Variants in SEMA5A observed in about 807,000 individuals in gnomAD.
The protein encoded by SEMA5A is semaphorin-5A.
Under a neutral mutation model 135.5 loss-of-function variants are expected in SEMA5A, and 55 were observed. That is an observed-to-expected ratio of 0.41 (90% CI 0.33 to 0.51). SEMA5A has a LOEUF of 0.51. SEMA5A is among the 20% of genes least tolerant of loss of function. The pLI, the probability that SEMA5A is intolerant of heterozygous loss-of-function variation, is 0.37. For missense variants in SEMA5A, 1,290 were observed against 1,419.9 expected (o/e 0.91, Z 1.47); for synonymous variants, 580 against 546.5 (o/e 1.06, Z -0.85).
intron 6 of SEMA5A, among the ~76,000 whole-genome samples, chr5:9,232,971 T>C (rs1243943795): frequency 6.6e-6 from 1 of 152,186 alleles, no homozygotes; most frequent in Admixed American, 6.5e-5. Flanking sequence ...TCTTCTCCTG[T>C]TCACTAGGAG....
At chr5:9,179,371 C>T (rs976374762) in intron 11 of SEMA5A, among the ~76,000 whole-genome samples, 7 of 152,178 alleles carry the variant, frequency 4.6e-5, no homozygotes, top group Non-Finnish European at 8.8e-5. Flanking sequence ...GGAAAGTCAC[C>T]TGTCTCAGGT....
At chr5:9,147,509 A>G (rs1003747951) in intron 12 of SEMA5A, among the ~76,000 whole-genome samples, 4 of 151,978 alleles carry the variant, frequency 2.6e-5, no homozygotes, top group African/African-American at 9.7e-5. Context: ...TGACCTCTTG[A>G]TCCACCCGGG....
intron 8 of SEMA5A, among the ~76,000 whole-genome samples, chr5:9,224,077 G>A (rs768557410): frequency 2.0e-5 from 3 of 152,170 alleles, no homozygotes; most frequent in Non-Finnish European, 2.9e-5. Context: ...ACAAGCAGAG[G>A]TGGCCTGAGG....
intron 2 of SEMA5A, among the ~76,000 whole-genome samples, chr5:9,385,420 G>A (rs894165239): frequency 2.0e-5 from 3 of 152,178 alleles, no homozygotes; most frequent in Non-Finnish European, 4.4e-5. Context: ...TCCAACATAA[G>A]CTTAATGTAC....
Position 9,164,852 on chromosome 5 carries a change from C to T in SEMA5A, c.1274-10157G>A, listed in dbSNP as rs572419237. Among the ~76,000 whole-genome samples, 9 of 151,872 alleles carry T rather than the reference C, an allele frequency of 5.9e-5. No individual in the cohort carries two copies. The South Asian group carries it at 6.3e-4, about 11-fold the overall frequency. ...GCTCCATCAACATTTGAAAATTTTA[C>T]GGAAATAAATCTTTAGAAGGAAGAA... On this transcript the variant is annotated intron_variant, in intron 11 of 22. Transcript: ENST00000382496.
At chr5:9,072,619 T>C (rs1325418383) in intron 16 of SEMA5A, among the ~76,000 whole-genome samples, 1 of 152,144 alleles carries the variant, frequency 6.6e-6, no homozygotes, top group African/African-American at 2.4e-5. Context: ...GGGTCATTGG[T>C]TGGATACCAA....
rs988230627 is a variant in SEMA5A, at chr5:9,489,481, C to T, written c.-174-51629G>A. Among the ~76,000 whole-genome samples, 8 of 152,152 alleles carry T rather than the reference C, an allele frequency of 5.3e-5. No individual in the cohort carries two copies. The East Asian group carries it at 7.7e-4, about 15-fold the overall frequency. Reference sequence around the variant, plus strand: ...AGGGCCAGGGCACCCACAGGGATGGCGGTAAATGTATTTTGCCACAAGTAA... The same window carrying T: ...AGGGCCAGGGCACCCACAGGGATGGTGGTAAATGTATTTTGCCACAAGTAA... On this transcript the variant is annotated intron_variant, in intron 1 of 22. Transcript: ENST00000382496.
At chr5:9,541,447 G>A (rs978839485) in intron 1 of SEMA5A, among the ~76,000 whole-genome samples, 5 of 152,090 alleles carry the variant, frequency 3.3e-5, no homozygotes, top group African/African-American at 1.2e-4. Context: ...GTGGGCTCAT[G>A]ACCTTTCAAT....
At chr5:9,213,370 G>A (rs143029927) in intron 8 of SEMA5A, among the ~76,000 whole-genome samples, 2 of 152,332 alleles carry the variant, frequency 1.3e-5, no homozygotes, top group East Asian at 1.9e-4. Context: ...AACTTTCATT[G>A]TAGTGGTGGG....
At chr5:9,259,106 G>C (rs1749258228) in intron 5 of SEMA5A, among the ~76,000 whole-genome samples, 1 of 152,226 alleles carries the variant, frequency 6.6e-6, no homozygotes, top group East Asian at 1.9e-4. Flanking sequence ...ACAGGCATGA[G>C]CCACCAGGCC....
intron 16 of SEMA5A, among the ~76,000 whole-genome samples, chr5:9,096,093 T>A (rs1739296441): frequency 6.6e-6 from 1 of 152,170 alleles, no homozygotes; most frequent in African/African-American, 2.4e-5. Flanking sequence ...TCCACACTGT[T>A]TTCCATACTG....
At chr5:9,149,150 T>C (rs1742496151) in intron 12 of SEMA5A, among the ~76,000 whole-genome samples, 1 of 152,206 alleles carries the variant, frequency 6.6e-6, no homozygotes, top group South Asian at 2.1e-4. Flanking sequence ...AACAGACAAA[T>C]CCATCAGCCT....
intron 1 of SEMA5A, among the ~76,000 whole-genome samples, chr5:9,489,366 A>G (rs74954845): frequency 0.011 from 1,661 of 152,294 alleles, 28 homozygotes; most frequent in African/African-American, 0.037. Flanking sequence ...AAAAGGGAAC[A>G]AAATGTCAGC....
chr5:9,268,302 A>G (rs1749786274), intron 5 of SEMA5A, among the ~76,000 whole-genome samples: 1 of 152,168 alleles, frequency 6.6e-6, no homozygotes, highest in African/African-American at 2.4e-5. Context: ...GGCTGAGTTT[A>G]GAAACCTAGA....
At chr5:9,081,477 C>T (rs1579356892) in intron 16 of SEMA5A, among the ~76,000 whole-genome samples, 2 of 152,062 alleles carry the variant, frequency 1.3e-5, no homozygotes, top group East Asian at 1.9e-4. Context: ...GAGATATATA[C>T]ATCCAGTTTC....
chr5:9,293,555 TA>T (rs956753255), intron 5 of SEMA5A, among the ~76,000 whole-genome samples: 2 of 152,250 alleles, frequency 1.3e-5, no homozygotes, highest in African/African-American at 4.8e-5. Context: ...ACAGTAGGAA[TA>T]AATCTAATAC....
At chr5:9,377,877 G>A (rs985629316) in intron 3 of SEMA5A, among the ~76,000 whole-genome samples, 1 of 152,088 alleles carries the variant, frequency 6.6e-6, no homozygotes, top group African/African-American at 2.4e-5. Context: ...TGATTCCCAG[G>A]TCTGTGGAAG....
intron 8 of SEMA5A, among the ~76,000 whole-genome samples, chr5:9,218,654 T>A (rs1746767153): frequency 1.3e-5 from 2 of 152,198 alleles, no homozygotes; most frequent in South Asian, 4.1e-4. Context: ...CTGAAAAGCA[T>A]GCAAAACAAA....
At position 9,224,864 on chromosome 5, in the gene SEMA5A, A is replaced by G. The variant is rs758709916; in HGVS notation, c.456T>C (p.His152=). The G allele has an allele frequency of 1.1e-5, 17 of 1,613,324 alleles. No homozygotes were observed. The highest frequency in any genetic ancestry group is 1.4e-5 in the Non-Finnish European group (17 of 1,179,786). Residue 152 remains histidine, a synonymous_variant, in exon 8 of 23, where the codon CAT becomes CAC. Transcript: ENST00000382496. ...AGCGGGCCATGCCACTGATCTGATC[A>G]TGGATCTCAGTCAGGTTGCTCAACT... ...NRSLSNLTEI[H]DQISGMARCP...
Sources: allele counts gnomAD v4.1 joint callset (sites outside exome capture counted in the v4.1 genomes callset), GRCh38; gene constraint gnomAD v4.1.1; transcripts MANE v1.5; gene names NCBI Gene and HGNC (gene_info 2026-07-23, HGNC 2026-07-21).